Variants in USP34 observed in about 807,000 individuals in gnomAD.
The protein encoded by USP34 is ubiquitin carboxyl-terminal hydrolase 34.
Under a neutral mutation model 460.3 loss-of-function variants are expected in USP34, and 70 were observed. The ratio of observed to expected loss-of-function variants is 0.15; its 90% confidence interval spans 0.13 to 0.19. USP34 has a LOEUF of 0.19. Among genes scored for constraint, USP34 ranks in the 10% least tolerant of loss-of-function variants. The pLI is 1.00. For missense variants in USP34, 3,985 were observed against 4,236.2 expected (o/e 0.94, Z 1.65); for synonymous variants, 1,647 against 1,405.3 (o/e 1.17, Z -3.85).
chr2:61,253,623 T>A (rs1688644617), intron 48 of USP34, among the ~76,000 whole-genome samples: 1 of 152,196 alleles, frequency 6.6e-6, no homozygotes, highest in Non-Finnish European at 1.5e-5. Context: ...TCTTATTGTA[T>A]AATGACTTTT....
At chr2:61,290,440 T>G (rs1017780983) in intron 33 of USP34, among the ~76,000 whole-genome samples, 3 of 152,214 alleles carry the variant, frequency 2.0e-5, no homozygotes, top group African/African-American at 7.2e-5. Flanking sequence ...CACTCAAATG[T>G]CAATAGGTGA....
At chr2:61,239,306 A>T (rs879916208) in intron 53 of USP34, among the ~76,000 whole-genome samples, 9,369 of 87,560 alleles carry the variant, frequency 0.11, 373 homozygotes, top group Non-Finnish European at 0.13. Context: ...CCTGTCACAC[A>T]CACACACACA....
At chr2:61,320,270 T>A (rs909818560) in intron 21 of USP34, among the ~76,000 whole-genome samples, 3 of 152,208 alleles carry the variant, frequency 2.0e-5, no homozygotes, top group Non-Finnish European at 4.4e-5. Context: ...GGGACTAGTA[T>A]CTTAAGGACA....
chr2:61,217,164 T>C (rs1336921356), intron 67 of USP34, among the ~76,000 whole-genome samples: 1 of 152,190 alleles, frequency 6.6e-6, no homozygotes, highest in African/African-American at 2.4e-5. Flanking sequence ...AACACGACTT[T>C]TAAATTATGT....
At chr2:61,385,658 C>G (rs1367096302) in intron 5 of USP34, among the ~76,000 whole-genome samples, 1 of 80,716 alleles carries the variant, frequency 1.2e-5, no homozygotes, top group African/African-American at 5.2e-5. Flanking sequence ...GGCAACAAAG[C>G]AAGACTCTGT....
intron 1 of USP34, among the ~76,000 whole-genome samples, chr2:61,430,471 A>G (rs1255058385): frequency 6.6e-6 from 1 of 152,190 alleles, no homozygotes. Flanking sequence ...CAGTTACGAC[A>G]ATGCAGAGTT....
chr2:61,207,199 A>G, intron 70 of USP34: 1 of 194,948 alleles, frequency 5.1e-6, no homozygotes, highest in South Asian at 1.1e-4. Flanking sequence ...GTAGGTCACA[A>G]AAGATTAGGG....
At chr2:61,244,531 C>G (rs988995257) in intron 51 of USP34, among the ~76,000 whole-genome samples, 4 of 151,298 alleles carry the variant, frequency 2.6e-5, no homozygotes, top group Admixed American at 1.3e-4. Flanking sequence ...TCGAGAATAG[C>G]TGGAACCCAG....
Position 61,283,147 on chromosome 2 carries a change from C to T in USP34, c.4996G>A (p.Glu1666Lys). The change falls in exon 37 of 80, where the codon GAG becomes AAG. Residue 1666 changes from glutamate (E) to lysine (K), a missense_variant and splice_region_variant. By Grantham distance (56) the Glu-to-Lys change is moderately conservative (BLOSUM62 1). This residue lies in a region of USP34 where 1,114 missense variants were observed against 1,122.5 expected (regional missense o/e 0.99). Coordinates refer to ENST00000398571, the MANE Select transcript of USP34 (RefSeq NM_014709.4). ...WLKKLTLLIP[E>K]TAVRHESCSG... ...CTAACCTTCAATCTTTATCTTACCT[C>T]AGGAATAAGGAGAGTCAATTTCTTT... 1 of 1,612,574 alleles carries T rather than the reference C, an allele frequency of 6.2e-7. No individual in the cohort carries two copies. The highest frequency in any genetic ancestry group is 8.5e-7 in the Non-Finnish European group (1 of 1,179,310).
intron 5 of USP34, 125 bp downstream of exon 5, chr2:61,394,728 G>A: frequency 1.5e-6 from 1 of 664,922 alleles, no homozygotes; most frequent in Non-Finnish European, 2.2e-6. Context: ...TACTCATTTT[G>A]TCAAAATAAA....
At chr2:61,367,096 T>C (rs1406903268) in intron 10 of USP34, among the ~76,000 whole-genome samples, 1 of 152,048 alleles carries the variant, frequency 6.6e-6, no homozygotes, top group Non-Finnish European at 1.5e-5. Flanking sequence ...ACAAGAGATA[T>C]GAATATGTAA....
intron 10 of USP34, among the ~76,000 whole-genome samples, chr2:61,368,682 C>T (rs1322743105): frequency 6.6e-6 from 1 of 152,094 alleles, no homozygotes. Flanking sequence ...TGGACACATA[C>T]ATAACACTTT....
At chr2:61,445,105 A>G (rs2104038014) in intron 1 of USP34, among the ~76,000 whole-genome samples, 1 of 151,742 alleles carries the variant, frequency 6.6e-6, no homozygotes, top group East Asian at 1.9e-4. Flanking sequence ...TAGCCTAAAA[A>G]TGAACTTTAG....
chr2:61,283,106 A>G (rs1421001755), intron 37 of USP34, 39 bp downstream of exon 37: 1 of 1,594,624 alleles, frequency 6.3e-7, no homozygotes, highest in Admixed American at 1.7e-5. Context: ...ATGAAAACAT[A>G]CAAAAAATAA....
intron 3 of USP34, 101 bp from the exon 4 acceptor site, chr2:61,395,334 G>C (rs1247122755): frequency 1.3e-6 from 1 of 774,958 alleles, no homozygotes; most frequent in Non-Finnish European, 2.1e-6. Context: ...CGAATAAACA[G>C]ATTATTTTGC....
intron 1 of USP34, among the ~76,000 whole-genome samples, chr2:61,449,155 AGGGACGG>A (rs1695199439): frequency 2.3e-5 from 1 of 43,388 alleles, no homozygotes; most frequent in Non-Finnish European, 5.6e-5. Context: ...GAGGGAATGG[AGGGACGG>A]GAGGGACAGG....
At chr2:61,280,943 T>G (rs1375747137) in intron 38 of USP34, 147 bp downstream of exon 38, 2 of 802,992 alleles carry the variant, frequency 2.5e-6, no homozygotes, top group Non-Finnish European at 3.9e-6. Flanking sequence ...TGCTGTCACC[T>G]TAAGTAGTAT....
At chr2:61,190,690 C>G in intron 76 of USP34, 32 bp from the exon 77 acceptor site, 1 of 1,582,128 alleles carries the variant, frequency 6.3e-7, no homozygotes, top group Non-Finnish European at 8.6e-7. Flanking sequence ...TGAGCACTTA[C>G]GGTTGAGCAC....
chr2:61,303,899 T>TTTTTG (rs916418212), intron 27 of USP34, among the ~76,000 whole-genome samples: 18 of 149,450 alleles, frequency 1.2e-4, no homozygotes, highest in East Asian at 2.0e-4. Flanking sequence ...TTTGGTAGTT[T>TTTTTG]TTTTGTTTTG....
Sources: gnomAD v4.1 joint callset for allele counts (sites outside exome capture counted in the v4.1 genomes callset) on GRCh38, gnomAD v4.1.1 for gene constraint, gnomAD v4.1.1 regional missense constraint, MANE v1.5 for transcripts, NCBI Gene and HGNC (gene_info 2026-07-23, HGNC 2026-07-21) for gene names.